Variants in FGD4 observed in about 807,000 individuals in gnomAD.
The protein encoded by FGD4 is FYVE, RhoGEF and PH domain containing 4.
In FGD4, 42 loss-of-function variants were observed where a neutral mutation model predicts 102.0. That is an observed-to-expected ratio of 0.41 (90% CI 0.32 to 0.53). FGD4 has a LOEUF of 0.53. Ranked by LOEUF, FGD4 falls within the 20% of genes least tolerant of loss-of-function variation. The pLI, the probability that FGD4 is intolerant of heterozygous loss-of-function variation, is 0.21. For synonymous variants in FGD4, 380 were observed against 375.7 expected, an observed-to-expected ratio of 1.01 and a Z score of -0.13; for missense variants, 902 against 1,078.2, an observed-to-expected ratio of 0.84 and a Z score of 2.29.
At chr12:32,627,186 A>C (rs1592462444) in intron 14 of FGD4, among the ~76,000 whole-genome samples, 2 of 130,888 alleles carry the variant, frequency 1.5e-5, no homozygotes, top group Non-Finnish European at 3.2e-5. Flanking sequence ...ACAGAGTCTC[A>C]CCCTATCGCC....
At chr12:32,562,966 C>T (rs1426484241) in intron 1 of FGD4, among the ~76,000 whole-genome samples, 1 of 152,088 alleles carries the variant, frequency 6.6e-6, no homozygotes, top group Non-Finnish European at 1.5e-5. Flanking sequence ...GGCAGAGGGG[C>T]TTCTCACATC....
rs761736981 is a variant in FGD4 at position 32,619,829 on chromosome 12, C to G, written c.1881C>G (p.Phe627Leu). ...AAAATGAAGAATATCCACATACTTT[C>G]CAGGTGTCTGGGAAAGAGAGAACAC... The part of the protein sequence containing the change: ...ETQNEEYPHT[F>L]QVSGKERTLE... Residue 627 changes from phenylalanine (F) to leucine (L), a missense_variant, in exon 11 of 17, where the codon TTC becomes TTG. This residue lies in a region of FGD4 where 459 missense variants were observed against 619.0 expected (regional missense o/e 0.74). Transcript: ENST00000534526. 2.5e-6 allele frequency: 4 copies of G among 1,614,092 alleles called. No individual in the cohort carries two copies. The highest frequency in any genetic ancestry group is 2.2e-5 in the East Asian group (1 of 44,878).
intron 1 of FGD4, among the ~76,000 whole-genome samples, chr12:32,489,830 G>T (rs1944030724): frequency 6.6e-6 from 1 of 151,960 alleles, no homozygotes; most frequent in Non-Finnish European, 1.5e-5. Flanking sequence ...CAAGACTTTG[G>T]CCTATTAAAA....
At chr12:32,590,214 G>A (rs1218607862) in intron 4 of FGD4, among the ~76,000 whole-genome samples, 2 of 150,976 alleles carry the variant, frequency 1.3e-5, no homozygotes, top group Admixed American at 1.3e-4. Flanking sequence ...GGGTGCTGAG[G>A]CAGGAGAATC....
intron 1 of FGD4, among the ~76,000 whole-genome samples, chr12:32,491,515 C>T (rs1944091678): frequency 2.0e-5 from 3 of 152,182 alleles, no homozygotes; most frequent in Non-Finnish European, 4.4e-5. Flanking sequence ...ACACCTAATA[C>T]TTGTTTTTAA....
At chr12:32,607,377 G>T (rs963067401) in intron 7 of FGD4, among the ~76,000 whole-genome samples, 1 of 152,166 alleles carries the variant, frequency 6.6e-6, no homozygotes, top group East Asian at 1.9e-4. Flanking sequence ...GTTGCAGTGA[G>T]ATCACACCAC....
chr12:32,619,363 T>G (rs1949653983), intron 10 of FGD4, among the ~76,000 whole-genome samples: 1 of 152,076 alleles, frequency 6.6e-6, no homozygotes, highest in African/African-American at 2.4e-5. Flanking sequence ...GTGCGGTGGC[T>G]CACACCTGTA....
In FGD4 at chr12:32,458,841, G is replaced by A. The variant is rs765413064; in HGVS notation, c.166+58882G>A. Among the ~76,000 whole-genome samples the A allele has an allele frequency of 5.5e-4, 83 of 152,182 alleles. 1 individual carries two copies. The highest frequency in any genetic ancestry group is 3.2e-4 in the Non-Finnish European group (22 of 68,020). ...ACAACTGAATTTGGAGGGAGTTTTTGTTTTAGGAAGCATTCACCCATTCTG... is the reference window on the plus strand; with the variant it reads ...ACAACTGAATTTGGAGGGAGTTTTTATTTTAGGAAGCATTCACCCATTCTG... On this transcript the variant is annotated intron_variant, in intron 1 of 16. Coordinates refer to ENST00000534526, the MANE Select transcript of FGD4 (RefSeq NM_001370298.3).
chr12:32,539,148 A>G (rs1156315339), intron 1 of FGD4, among the ~76,000 whole-genome samples: 1 of 152,196 alleles, frequency 6.6e-6, no homozygotes, highest in Non-Finnish European at 1.5e-5. Context: ...TTCTCTTCCT[A>G]CATTTAAGTC....
At chr12:32,547,906 A>G (rs1031159520) in intron 1 of FGD4, among the ~76,000 whole-genome samples, 2 of 152,094 alleles carry the variant, frequency 1.3e-5, no homozygotes, top group African/African-American at 4.8e-5. Flanking sequence ...GGGTTTTACC[A>G]TGTTGGCCAG....
At chr12:32,452,611 T>C (rs1006131981) in intron 1 of FGD4, among the ~76,000 whole-genome samples, 1 of 152,210 alleles carries the variant, frequency 6.6e-6, no homozygotes, top group African/African-American at 2.4e-5. Context: ...ATGATTTTAT[T>C]TGAGCATTCT....
At chr12:32,505,178 C>T (rs558084862) in intron 1 of FGD4, among the ~76,000 whole-genome samples, 3 of 152,246 alleles carry the variant, frequency 2.0e-5, no homozygotes, top group South Asian at 4.2e-4. Flanking sequence ...TGAATCTGTT[C>T]GCATTTTTCA....
At chr12:32,485,935 A>T in intron 1 of FGD4, 1 of 1,274,056 alleles carries the variant, frequency 7.8e-7, no homozygotes, top group Non-Finnish European at 9.9e-7. Context: ...TCACTGCCAG[A>T]AGAAGACTTA....
intron 1 of FGD4, among the ~76,000 whole-genome samples, chr12:32,558,464 G>A (rs1348225429): frequency 6.6e-6 from 1 of 152,182 alleles, no homozygotes; most frequent in African/African-American, 2.4e-5. Flanking sequence ...TGTGATCTGA[G>A]CTCATGGACA....
chr12:32,464,155 T>TTTTG (rs933831318), intron 1 of FGD4, among the ~76,000 whole-genome samples: 1 of 152,116 alleles, frequency 6.6e-6, no homozygotes, highest in South Asian at 2.1e-4. Flanking sequence ...GTTTTTGTTT[T>TTTTG]TTTGTTTGTT....
At chr12:32,601,839 G>A (rs1948448025) in intron 6 of FGD4, among the ~76,000 whole-genome samples, 1 of 152,204 alleles carries the variant, frequency 6.6e-6, no homozygotes, top group Non-Finnish European at 1.5e-5. Flanking sequence ...GGGCGTGGTG[G>A]CTCATGCCTA....
intron 5 of FGD4, among the ~76,000 whole-genome samples, chr12:32,600,840 T>C (rs1228025289): frequency 6.6e-6 from 1 of 152,114 alleles, no homozygotes; most frequent in Non-Finnish European, 1.5e-5. Context: ...ATGAGACTTA[T>C]GTCAGCAAAC....
chr12:32,427,033 T>C (rs2136428430), intron 1 of FGD4, among the ~76,000 whole-genome samples: 1 of 152,298 alleles, frequency 6.6e-6, no homozygotes, highest in Non-Finnish European at 1.5e-5. Flanking sequence ...TATTGATTTT[T>C]TTTTTCATGG....
At chr12:32,596,295 C>G (rs1004809009) in intron 4 of FGD4, among the ~76,000 whole-genome samples, 1 of 152,210 alleles carries the variant, frequency 6.6e-6, no homozygotes, top group Non-Finnish European at 1.5e-5. Context: ...AAAAGAAAAG[C>G]ATCTTAGACA....
Sources: gnomAD v4.1 joint callset for allele counts (sites outside exome capture counted in the v4.1 genomes callset) on GRCh38, gnomAD v4.1.1 for gene constraint, gnomAD v4.1.1 regional missense constraint, MANE v1.5 for transcripts, NCBI Gene and HGNC (gene_info 2026-07-23, HGNC 2026-07-21) for gene names.